Variants in ACVR1B observed in about 807,000 individuals in gnomAD.
ACVR1B encodes activin receptor type-1B.
In ACVR1B, 15 loss-of-function variants were observed where a neutral mutation model predicts 55.6. The ratio of observed to expected loss-of-function variants is 0.27; its 90% CI spans 0.18 to 0.42. ACVR1B has a LOEUF of 0.42. ACVR1B is among the 10% of genes least tolerant of loss of function. The pLI is 1.00. For synonymous variants in ACVR1B, 247 were observed against 254.6 expected (o/e 0.97, Z 0.28); for missense variants, 359 against 670.1 (o/e 0.54, Z 5.13).
intron 7 of ACVR1B, 77 bp from the exon 8 acceptor site, chr12:51,991,786 T>G: frequency 6.7e-7 from 1 of 1,498,608 alleles, no homozygotes; most frequent in Non-Finnish European, 9.1e-7. Context: ...CAGAGCACAG[T>G]GTAGGTTTTG....
At chr12:51,970,926 C>T (rs993067604) in intron 1 of ACVR1B, among the ~76,000 whole-genome samples, 3 of 152,152 alleles carry the variant, frequency 2.0e-5, no homozygotes, top group African/African-American at 7.2e-5. Context: ...GCTCCTGGAC[C>T]TTCATCTGTT....
chr12:51,987,440 G>T, intron 7 of ACVR1B: 1 of 375,978 alleles, frequency 2.7e-6, no homozygotes, highest in Non-Finnish European at 4.8e-6. Context: ...GTTGGCATTT[G>T]CAGCTGCTTA....
At chr12:51,988,619 CTT>C (rs1942125783) in intron 7 of ACVR1B, among the ~76,000 whole-genome samples, 1 of 152,170 alleles carries the variant, frequency 6.6e-6, no homozygotes, top group Non-Finnish European at 1.5e-5. Context: ...CTCATTTAAT[CTT>C]TACTACTACA....
chr12:51,984,248 T>C, intron 5 of ACVR1B, 82 bp downstream of exon 5: 3 of 1,501,704 alleles, frequency 2.0e-6, no homozygotes, highest in East Asian at 2.3e-5. Flanking sequence ...TAGAATTCCT[T>C]TTTACTGAGG....
chr12:51,958,961 G>A (rs813470), intron 1 of ACVR1B, among the ~76,000 whole-genome samples: 58,378 of 152,130 alleles, frequency 0.38, 12,993 homozygotes, highest in African/African-American at 0.59. Flanking sequence ...AGGCATTGTT[G>A]CAGGTGTTAG....
chr12:51,959,410 A>C (rs1337681418), intron 1 of ACVR1B, among the ~76,000 whole-genome samples: 3 of 152,232 alleles, frequency 2.0e-5, no homozygotes, highest in Non-Finnish European at 4.4e-5. Context: ...AGGAGCTGAG[A>C]GTGGTTCCCA....
intron 4 of ACVR1B, chr12:51,982,836 C>G (rs958434031): frequency 6.8e-7 from 1 of 1,471,558 alleles, no homozygotes; most frequent in Non-Finnish European, 8.9e-7. Context: ...AAAACTATCA[C>G]CTTTTGATAA....
intron 1 of ACVR1B, among the ~76,000 whole-genome samples, chr12:51,965,251 C>T (rs1407598178): frequency 1.3e-5 from 2 of 152,002 alleles, no homozygotes; most frequent in African/African-American, 4.8e-5. Flanking sequence ...GGCTCTCAAC[C>T]TCTACATTAT....
chr12:51,961,488 T>G (rs1391189068), intron 1 of ACVR1B, among the ~76,000 whole-genome samples: 1 of 152,224 alleles, frequency 6.6e-6, no homozygotes, highest in African/African-American at 2.4e-5. Context: ...CTTTCATCTC[T>G]GTTTATCCTA....
At chr12:51,975,539 C>T (rs1941831793) in intron 2 of ACVR1B, 35 bp downstream of exon 2, 1 of 1,595,782 alleles carries the variant, frequency 6.3e-7, no homozygotes, top group Admixed American at 1.7e-5. Flanking sequence ...AGTGGCTCAG[C>T]TTGGAGATAG....
intron 6 of ACVR1B, among the ~76,000 whole-genome samples, chr12:51,985,961 AT>A (rs1190044684): frequency 6.6e-6 from 1 of 152,148 alleles, no homozygotes; most frequent in African/African-American, 2.4e-5. Flanking sequence ...TTATCCCCTG[AT>A]TTATTGTGGG....
At chr12:51,991,287 C>T (rs1942187315) in intron 7 of ACVR1B, among the ~76,000 whole-genome samples, 1 of 152,162 alleles carries the variant, frequency 6.6e-6, no homozygotes, top group Non-Finnish European at 1.5e-5. Flanking sequence ...CATCTTTGCT[C>T]AGTTGGGAGC....
intron 4 of ACVR1B, 45 bp downstream of exon 4, chr12:51,981,244 A>G: frequency 6.5e-7 from 1 of 1,540,800 alleles, no homozygotes; most frequent in Non-Finnish European, 9.0e-7. Flanking sequence ...AGAGGATGCT[A>G]GAGAAAGTGC....
At position 51,952,258 on chromosome 12, in the gene ACVR1B, CTG is replaced by C. The variant is rs372092846; in HGVS notation, c.91+427_91+428del. ...GGGGGGCGTCTTTCTCCCGCCAAGA[CTG>C]TGGGGTTCGGGCGGTGGGGTCTTAG... On this transcript the variant is annotated intron_variant, in intron 1 of 8. Coordinates refer to ENST00000257963, the MANE Select transcript of ACVR1B (RefSeq NM_004302.5). Among the ~76,000 whole-genome samples the C allele has an allele frequency of 1.8e-3, 270 of 152,222 alleles. 1 individual carries two copies. The highest frequency in any genetic ancestry group is 6.1e-3 in the African/African-American group (254 of 41,546).
chr12:51,971,886 A>T (rs1376771593), intron 1 of ACVR1B, among the ~76,000 whole-genome samples: 1 of 152,234 alleles, frequency 6.6e-6, no homozygotes, highest in Non-Finnish European at 1.5e-5. Context: ...GTTAATCATG[A>T]GAAAAATGAG....
intron 8 of ACVR1B, among the ~76,000 whole-genome samples, chr12:51,992,663 G>C (rs1216645542): frequency 6.6e-6 from 1 of 152,214 alleles, no homozygotes; most frequent in Non-Finnish European, 1.5e-5. Context: ...GTGTCCATAA[G>C]AGAAGCCCTG....
rs150418479 is a variant in ACVR1B, at chr12:51,968,070, A to G, written c.92-7195A>G. Reference sequence around the variant, plus strand: ...GCCAACATGGCGAAACCCGGTCTCTACTGAAAATACAAAAAACTAGCCAGA... The same window carrying G: ...GCCAACATGGCGAAACCCGGTCTCTGCTGAAAATACAAAAAACTAGCCAGA... On this transcript the variant is annotated intron_variant, in intron 1 of 8. Coordinates refer to ENST00000257963, the MANE Select transcript of ACVR1B (RefSeq NM_004302.5). Among the ~76,000 whole-genome samples, 392 of 152,318 alleles carry G rather than the reference A, an allele frequency of 2.6e-3. 2 individuals carry two copies. The highest frequency in any genetic ancestry group is 8.9e-3 in the African/African-American group (368 of 41,576).
intron 7 of ACVR1B, 58 bp from the exon 8 acceptor site, chr12:51,991,805 T>G: frequency 6.3e-7 from 1 of 1,579,006 alleles, no homozygotes; most frequent in African/African-American, 1.4e-5. Flanking sequence ...TGTCACCGGC[T>G]TCTGAGTAAT....
rs1238983109 is a variant in ACVR1B at position 51,951,716 on chromosome 12, G to T, written c.-28G>T. The T allele has an allele frequency of 5.8e-4, 8 of 13,760 alleles. No individual in the cohort carries two copies. In the Admixed American group the frequency reaches 0.04, roughly 69 times the overall value. The allele number at this position is 13,760 out of a possible 1,614,324, so 0.9% of individuals were successfully genotyped here. On this transcript the variant is annotated 5_prime_UTR_variant, in exon 1 of 9. Transcript: ENST00000257963. ...CGCGCGCTGGGCGCTGCTGGGCTGC[G>T]GCGGCGGCGGCGGCGGCGGTGGTTA...
Sources: gnomAD v4.1 joint callset for allele counts (sites outside exome capture counted in the v4.1 genomes callset) on GRCh38, gnomAD v4.1.1 for gene constraint, MANE v1.5 for transcripts, NCBI Gene and HGNC (gene_info 2026-07-23, HGNC 2026-07-21) for gene names.